Variants in PRICKLE3 observed in about 807,000 individuals in gnomAD.
The protein encoded by PRICKLE3 is prickle planar cell polarity protein 3.
In PRICKLE3, 17 loss-of-function variants were observed where a neutral mutation model predicts 33.8. The observed-to-expected ratio is 0.50, with a 90% CI of 0.34 to 0.75. The LOEUF (loss-of-function observed/expected upper bound fraction) is 0.75. PRICKLE3 is among the 30% of genes least tolerant of loss of function. The probability of loss-of-function intolerance (pLI) is 0.01; values close to 1 mark genes in which losing one functional copy is unlikely to be tolerated. For synonymous variants in PRICKLE3, 211 were observed against 219.6 expected (o/e 0.96, Z 0.34); for missense variants, 573 against 576.7 (o/e 0.99, Z 0.07).
At chrX:49,181,602 C>CACGTATATGTACGT (rs2065455658) in intron 3 of PRICKLE3, among the ~76,000 whole-genome samples, 4 of 11,714 alleles carry the variant, frequency 3.4e-4, no homozygotes, top group African/African-American at 5.1e-4. Flanking sequence ...TATCTATATA[C>CACGTATATGTACGT]GTATATATAT....
chrX:49,182,264 T>C (rs868935969), intron 3 of PRICKLE3, among the ~76,000 whole-genome samples: 6 of 110,096 alleles, frequency 5.4e-5, no homozygotes, highest in African/African-American at 9.9e-5. Flanking sequence ...TGTCTGTCTG[T>C]CTCTCTCTCC....
rs782365121 is a variant in PRICKLE3 at position 49,175,860 on chromosome X, G to C, written c.1661C>G (p.Ser554Cys). 1 of 1,212,188 alleles carries C rather than the reference G, an allele frequency of 8.2e-7. No individual in the cohort carries two copies. ...SCSSSPSSSS[S>C]ESSEDDGFFL... ...GAAGCCATCATCCTCTGATGATTCGGAACTGGAACTGGAGGGCGAGCTGGA... is the reference window on the plus strand; with the variant it reads ...GAAGCCATCATCCTCTGATGATTCGCAACTGGAACTGGAGGGCGAGCTGGA... The change falls in exon 9 of 9, where the codon TCC becomes TGC. Residue 554 changes from serine (S) to cysteine (C), a missense_variant. Coordinates refer to ENST00000599218, the MANE Select transcript of PRICKLE3 (RefSeq NM_006150.5).
chrX:49,177,208 G>C lies in PRICKLE3; in HGVS notation c.956-6C>G, dbSNP rs782688296. The C allele has an allele frequency of 1.8e-5, 21 of 1,140,946 alleles. No individual in the cohort carries two copies. Among genetic ancestry groups the C allele is most frequent in the Admixed American group, 2.9e-5 (1 of 34,633 alleles). 94.0% of individuals were successfully genotyped at this position (1,140,946 alleles called of 1,213,427 possible). The stretch of plus-strand genomic sequence containing the variant: ...CATCTGGCCTTGGTCCAGGCCTGTG[G>C]GGAACGACGAGGGGGAAAAACTGAG... On this transcript the variant is annotated splice_polypyrimidine_tract_variant and splice_region_variant and intron_variant, in intron 7 of 8. Coordinates refer to ENST00000599218, the MANE Select transcript of PRICKLE3 (RefSeq NM_006150.5).
At chrX:49,184,255 T>A (rs782346823) in intron 2 of PRICKLE3, among the ~76,000 whole-genome samples, 1 of 110,894 alleles carries the variant, frequency 9.0e-6, no homozygotes, top group Non-Finnish European at 1.9e-5. Flanking sequence ...CTCTGTTTAT[T>A]GGGTGCAGGG....
At chrX:49,184,041 CAG>C (rs1283371665) in intron 2 of PRICKLE3, 124 bp from the exon 3 acceptor site, 1 of 901,797 alleles carries the variant, frequency 1.1e-6, no homozygotes, top group Non-Finnish European at 1.5e-6. Flanking sequence ...TGAGCAGGGA[CAG>C]GGATCTGGGC....
At chrX:49,177,416 C>A (rs1248067085) in intron 7 of PRICKLE3, among the ~76,000 whole-genome samples, 4 of 112,697 alleles carry the variant, frequency 3.5e-5, no homozygotes, top group African/African-American at 1.3e-4. Flanking sequence ...CTCTCTCTCA[C>A]TCCTCCCTTT....
intron 7 of PRICKLE3, among the ~76,000 whole-genome samples, chrX:49,177,476 A>G (rs1283811593): frequency 8.9e-6 from 1 of 112,167 alleles, no homozygotes; most frequent in African/African-American, 3.2e-5. Flanking sequence ...GGACTCTAAG[A>G]TTCGGGCCAG....
intron 5 of PRICKLE3, 32 bp downstream of exon 5, chrX:49,179,219 C>T (rs2065435578): frequency 4.2e-6 from 5 of 1,203,005 alleles, no homozygotes; most frequent in Non-Finnish European, 5.6e-6. Flanking sequence ...AGCAGAGGCA[C>T]TGCTCACTCG....
At chrX:49,176,827 G>A in intron 8 of PRICKLE3, 76 bp downstream of exon 8, 1 of 1,020,506 alleles carries the variant, frequency 9.8e-7, no homozygotes, top group Non-Finnish European at 1.3e-6. Context: ...CAAGAAGGAA[G>A]GGCCAGGGCT....
At chrX:49,184,581 G>A (rs2065473546) in intron 2 of PRICKLE3, 44 bp downstream of exon 2, 6 of 1,049,202 alleles carry the variant, frequency 5.7e-6, no homozygotes, top group Non-Finnish European at 7.5e-6. Context: ...CCCCCCGAAG[G>A]CGGAGCTCTG....
chrX:49,176,670 C>A lies in PRICKLE3; in HGVS notation c.1255+233G>T, dbSNP rs781800576. 2.2e-3 allele frequency among the ~76,000 whole-genome samples: 238 copies of A among 108,424 alleles called. 1 individual carries two copies. The highest frequency in any genetic ancestry group is 7.5e-3 in the African/African-American group (223 of 29,610). 94.2% of individuals were successfully genotyped at this position (108,424 alleles called of 115,157 possible). A position where few individuals can be genotyped will look rare whatever the true frequency, so the allele number is the denominator to read the frequency against. ...GCAGAGACAAGTTGAGGTAGGGGACCAGCCCTGTATTGACAGGGTGGAACC... is the reference window on the plus strand; with the variant it reads ...GCAGAGACAAGTTGAGGTAGGGGACAAGCCCTGTATTGACAGGGTGGAACC... On this transcript the variant is annotated intron_variant, in intron 8 of 8. Transcript: ENST00000599218.
chrX:49,176,405 G>A, intron 8 of PRICKLE3, 140 bp from the exon 9 acceptor site: 1 of 459,161 alleles, frequency 2.2e-6, no homozygotes. Flanking sequence ...GCAGGGAGGT[G>A]GGAAGTCTGG....
chrX:49,183,355 C>G (rs1292304540), intron 3 of PRICKLE3, among the ~76,000 whole-genome samples: 1 of 111,085 alleles, frequency 9.0e-6, no homozygotes, highest in Admixed American at 9.5e-5. Context: ...CCCAGGAGTT[C>G]AACATCAGCC....
In PRICKLE3 at chrX:49,175,544, C is replaced by T; in HGVS notation, c.*129G>A. On this transcript the variant is annotated 3_prime_UTR_variant, in exon 9 of 9. Transcript: ENST00000599218. ...TCTAAAACAGAAACAAAAATAGAAACAAACTGATAAAGGAGGGAGGAAGAG... is the reference window on the plus strand; with the variant it reads ...TCTAAAACAGAAACAAAAATAGAAATAAACTGATAAAGGAGGGAGGAAGAG... 1.6e-6 allele frequency: 1 copy of T among 614,059 alleles called. No individual in the cohort carries two copies. Among genetic ancestry groups the T allele is most frequent in the Non-Finnish European group, 2.4e-6 (1 of 410,181 alleles). The allele number at this position is 614,059 out of a possible 1,213,427, so 50.6% of individuals were successfully genotyped here.
At chrX:49,183,533 C>T in intron 3 of PRICKLE3, 2 of 897,766 alleles carry the variant, frequency 2.2e-6, no homozygotes, top group Non-Finnish European at 3.0e-6. Flanking sequence ...TGAACAGGCC[C>T]TGAGGAACTG....
At chrX:49,177,507 C>A (rs2065425883) in intron 7 of PRICKLE3, among the ~76,000 whole-genome samples, 1 of 112,168 alleles carries the variant, frequency 8.9e-6, no homozygotes, top group African/African-American at 3.2e-5. Context: ...TAGGGGGTGG[C>A]TCCAAGTGGA....
chrX:49,185,896 C>CAAAAA (rs35472415), intron 1 of PRICKLE3, among the ~76,000 whole-genome samples: 1 of 29,720 alleles, frequency 3.4e-5, no homozygotes, highest in Non-Finnish European at 6.0e-5. Context: ...GATTCAGTCT[C>CAAAAA]AAAAAAAAAA....
chrX:49,177,851 A>G lies in PRICKLE3; in HGVS notation c.955+142T>C, dbSNP rs6608846. 0.011 allele frequency: 6,471 copies of G among 607,383 alleles called. 319 individuals carry two copies. In the African/African-American group the frequency reaches 0.14, roughly 13 times the overall value. 50.1% of individuals were successfully genotyped at this position (607,383 alleles called of 1,213,427 possible). A position where few individuals can be genotyped will look rare whatever the true frequency, so the allele number is the denominator to read the frequency against. ...GGGAGTGGGACTTGCAACCAAGCGT[A>G]CAGGTCTATAGTGTTGGGGCTGGAC... is the stretch of plus-strand genomic sequence containing the variant. On this transcript the variant is annotated intron_variant, in intron 7 of 8. Transcript: ENST00000599218.
rs372772986 is a variant in PRICKLE3, at chrX:49,174,977, G to A, written c.*696C>T. Reference sequence around the variant, plus strand: ...TAAGTCACAAAATGAGGGAAGTGGGGAGTTAGATTTCAGAGTCCAGGCCCT... The same window carrying A: ...TAAGTCACAAAATGAGGGAAGTGGGAAGTTAGATTTCAGAGTCCAGGCCCT... On this transcript the variant is annotated 3_prime_UTR_variant, in exon 9 of 9. Transcript: ENST00000599218. 4.2e-5 allele frequency: 18 copies of A among 430,029 alleles called. No individual in the cohort carries two copies. Among genetic ancestry groups the A allele is most frequent in the African/African-American group, 3.7e-4 (15 of 40,404 alleles). The allele number at this position is 430,029 out of a possible 1,213,427, so 35.4% of individuals were successfully genotyped here.
Sources: gnomAD v4.1 joint callset for allele counts (sites outside exome capture counted in the v4.1 genomes callset) on GRCh38, gnomAD v4.1.1 for gene constraint, MANE v1.5 for transcripts, NCBI Gene and HGNC (gene_info 2026-07-23, HGNC 2026-07-21) for gene names.